Variants in PTS observed in about 807,000 individuals in gnomAD.
PTS encodes 6-pyruvoyl tetrahydrobiopterin synthase.
Under a neutral mutation model 20.6 loss-of-function variants are expected in PTS, and 23 were observed. That is an observed-to-expected ratio of 1.12 (90% CI 0.80 to 1.58). The LOEUF (loss-of-function observed/expected upper bound fraction) is 1.58, where lower values mean the gene tolerates loss of function less well. PTS is among the 40% of genes most tolerant of loss of function. The probability of loss-of-function intolerance (pLI) is 0.00; values close to 1 mark genes in which losing one functional copy is unlikely to be tolerated. For synonymous variants in PTS, 65 were observed against 62.5 expected (o/e 1.04, Z -0.19); for missense variants, 186 against 182.4 (o/e 1.02, Z -0.11).
chr11:112,230,569 C>A, intron 3 of PTS, 57 bp from the exon 4 acceptor site: 1 of 1,450,780 alleles, frequency 6.9e-7, no homozygotes, highest in South Asian at 1.1e-5. Flanking sequence ...AATAATTTGC[C>A]AGCCGTTTAA....
Position 112,233,149 on chromosome 11 carries a change from G to T in PTS, c.244-14G>T, listed in dbSNP as rs867152951. ...AATGGAGTCAATGATATTTTCCCTT[G>T]GTTTTGTCTCTAGGAGGCGATTATG... On this transcript the variant is annotated splice_polypyrimidine_tract_variant and intron_variant, in intron 4 of 5. Transcript: ENST00000280362. 2 of 1,609,242 alleles carry T rather than the reference G, an allele frequency of 1.2e-6. No homozygotes were observed. The highest frequency in any genetic ancestry group is 3.3e-4 in the Middle Eastern group (2 of 6,056).
intron 3 of PTS, 100 bp downstream of exon 3, chr11:112,230,330 C>T: frequency 7.1e-7 from 1 of 1,400,520 alleles, no homozygotes; most frequent in Non-Finnish European, 1.0e-6. Flanking sequence ...GTCAGTATTG[C>T]TTCATTGTTG....
chr11:112,226,507 G>A lies in PTS; in HGVS notation c.64G>A (p.Ala22Thr). Residue 22 changes from alanine to threonine, a missense_variant, in exon 1 of 6, where the codon GCG becomes ACG. Transcript: ENST00000280362. ...AQVSRRISFS[A>T]SHRLYSKFLS... is the part of the protein sequence containing the mutation. ...AGTGTCCCGCCGCATCTCCTTCAGC[G>A]CGAGCCACCGATTGTACAGGTAGGG... The A allele has an allele frequency of 6.3e-7, 1 of 1,584,432 alleles. No individual in the cohort carries two copies. The highest frequency in any genetic ancestry group is 8.6e-7 in the Non-Finnish European group (1 of 1,167,822).
chr11:112,229,657 G>C (rs190242641), intron 2 of PTS, among the ~76,000 whole-genome samples: 107 of 152,314 alleles, frequency 7.0e-4, no homozygotes, highest in African/African-American at 2.5e-3. Flanking sequence ...CTCCCGAAGT[G>C]CTGGGATTAC....
At chr11:112,228,409 C>T (rs1859891750) in intron 1 of PTS, 185 bp from the exon 2 acceptor site, 2 of 614,472 alleles carry the variant, frequency 3.3e-6, no homozygotes, top group East Asian at 5.5e-5. Flanking sequence ...GGGAATATGC[C>T]ATGGTTTGTG....
rs149320135 is a variant in PTS at position 112,233,615 on chromosome 11, T to C, written c.*60T>C. 7,764 of 1,608,364 alleles carry C rather than the reference T, an allele frequency of 4.8e-3. 27 individuals carry two copies. Among genetic ancestry groups the C allele is most frequent in the African/African-American group, 7.7e-3 (578 of 74,992 alleles). The stretch of plus-strand genomic sequence containing the variant: ...TTTCTGTGTTTGAAAAAGATTTTGA[T>C]CCCCTTGGAATATTAAGAGGTCAAC... On this transcript the variant is annotated 3_prime_UTR_variant, in exon 6 of 6. Coordinates refer to ENST00000280362, the MANE Select transcript of PTS (RefSeq NM_000317.3).
chr11:112,233,126 T>G, intron 4 of PTS, 37 bp from the exon 5 acceptor site: 1 of 1,575,410 alleles, frequency 6.3e-7, no homozygotes, highest in Non-Finnish European at 8.7e-7. Flanking sequence ...GAGTCGTAAA[T>G]GGAGTCAATG....
At chr11:112,230,601 A>C (rs751327385) in intron 3 of PTS, 25 bp from the exon 4 acceptor site, 46 of 1,582,140 alleles carry the variant, frequency 2.9e-5, no homozygotes, top group Non-Finnish European at 2.5e-5. Flanking sequence ...TATCACAGTA[A>C]TATTCACCTT....
rs1314268601 is a variant in PTS, at chr11:112,230,743, CT to C, written c.243+62del. ...CCTAACTGTAATATTTGGTGGCCCCCTATCTACCTCCCCAACCAGTTATCTC... is the reference window on the plus strand; with the variant it reads ...CCTAACTGTAATATTTGGTGGCCCCCATCTACCTCCCCAACCAGTTATCTC... On this transcript the variant is annotated intron_variant, in intron 4 of 5. Transcript: ENST00000280362. 14 of 1,383,480 alleles carry C rather than the reference CT, an allele frequency of 1.0e-5. No homozygotes were observed. The African/African-American group carries it at 1.7e-4, about 17-fold the overall frequency. 85.7% of individuals were successfully genotyped at this position (1,383,480 alleles called of 1,614,324 possible). A position where few individuals can be genotyped will look rare whatever the true frequency, so the allele number is the denominator to read the frequency against.
intron 4 of PTS, 26 bp downstream of exon 4, chr11:112,230,708 T>A: frequency 6.3e-7 from 1 of 1,578,734 alleles, no homozygotes; most frequent in Non-Finnish European, 8.7e-7. Flanking sequence ...GTGCTTATTA[T>A]GTGCTATTCC....
Position 112,230,615 on chromosome 11 carries a change from T to G in PTS, c.187-11T>G. The G allele has an allele frequency of 6.2e-7, 1 of 1,602,156 alleles. No homozygotes were observed. Among genetic ancestry groups the G allele is most frequent in the Non-Finnish European group, 8.6e-7 (1 of 1,169,134 alleles). The stretch of plus-strand genomic sequence containing the variant: ...CTATCACAGTAATATTCACCTTTGT[T>G]TATTCTTTAGATTGACCCTGCTACG... On this transcript the variant is annotated splice_polypyrimidine_tract_variant and intron_variant, in intron 3 of 5. Coordinates refer to ENST00000280362, the MANE Select transcript of PTS (RefSeq NM_000317.3).
At chr11:112,229,057 T>G in intron 2 of PTS, 1 of 228,016 alleles carries the variant, frequency 4.4e-6, no homozygotes, top group Non-Finnish European at 8.7e-6. Context: ...GGCAGAAAAA[T>G]AGGTTTGGTC....
intron 3 of PTS, 25 bp downstream of exon 3, chr11:112,230,255 G>A (rs1312204218): frequency 6.2e-7 from 1 of 1,610,644 alleles, no homozygotes; most frequent in South Asian, 1.1e-5. Context: ...TATTTGTGTG[G>A]TTTTTGCAGA....
intron 4 of PTS, among the ~76,000 whole-genome samples, chr11:112,232,549 A>T (rs992771348): frequency 1.2e-4 from 19 of 152,216 alleles, no homozygotes; most frequent in African/African-American, 4.3e-4. Flanking sequence ...TAAAAGCAAA[A>T]ACCTAGAAAG....
rs1381243018 is a variant in PTS, at chr11:112,228,596, A to C, written c.86A>C (p.Lys29Thr). ...CTTTTTTTTTTTTTTTTGGTCAGTA[A>C]ATTTCTAAGTGATGAAGAAAACTTG... ...SFSASHRLYS[K>T]FLSDEENLKL... Residue 29 changes from lysine (K) to threonine (T), a missense_variant and splice_region_variant, in exon 2 of 6, where the codon AAA (lysine) becomes ACA (threonine). Lys to Thr is a moderately conservative substitution (Grantham distance 78). Transcript: ENST00000280362. 1 of 1,591,376 alleles carries C rather than the reference A, an allele frequency of 6.3e-7. No homozygotes were observed. The highest frequency in any genetic ancestry group is 1.7e-5 in the Admixed American group (1 of 57,392).
chr11:112,231,887 C>T (rs1859941045), intron 4 of PTS, among the ~76,000 whole-genome samples: 1 of 96,756 alleles, frequency 1.0e-5, no homozygotes, highest in Non-Finnish European at 1.9e-5. Flanking sequence ...GAGAGGGAGA[C>T]AGAGACAGGA....
chr11:112,228,597 AT>A lies in PTS; in HGVS notation c.90del (p.Leu31Ter). 6.3e-7 allele frequency: 1 copy of A among 1,591,584 alleles called. No individual in the cohort carries two copies. Among genetic ancestry groups the A allele is most frequent in the Non-Finnish European group, 8.5e-7 (1 of 1,174,798 alleles). On this transcript the variant is annotated frameshift_variant, in exon 2 of 6. Coordinates refer to ENST00000280362, the MANE Select transcript of PTS (RefSeq NM_000317.3). LOFTEE classifies it high-confidence loss of function. ...TTTTTTTTTTTTTTTTGGTCAGTAA[AT>A]TTCTAAGTGATGAAGAAAACTTGAA... ...FSASHRLYSK[F>X]LSDEENLKLF...
chr11:112,226,550 C>T (rs1859867087), intron 1 of PTS, 24 bp downstream of exon 1: 1 of 1,519,454 alleles, frequency 6.6e-7, no homozygotes, highest in Non-Finnish European at 8.8e-7. Context: ...ACAGGTACAG[C>T]GGCGGGCGGT....
intron 4 of PTS, among the ~76,000 whole-genome samples, chr11:112,231,199 CT>C (rs1234385251): frequency 1.3e-5 from 2 of 152,162 alleles, no homozygotes; most frequent in Middle Eastern, 3.4e-3. Context: ...TTTCTCTTCC[CT>C]CTCTGAATAT....
Sources: allele counts gnomAD v4.1 joint callset (sites outside exome capture counted in the v4.1 genomes callset), GRCh38; gene constraint gnomAD v4.1.1; transcripts MANE v1.5; gene names NCBI Gene and HGNC (gene_info 2026-07-23, HGNC 2026-07-21).